The following CRPPA variants were observed in gnomAD, a reference collection of about 807,000 sequenced individuals.
The protein encoded by CRPPA is CDP-L-ribitol pyrophosphorylase A, also known as D-ribitol-5-phosphate cytidylyltransferase.
A neutral mutation model predicts 52.0 loss-of-function variants in CRPPA; 43 were observed. The ratio of observed to expected loss-of-function variants is 0.83; its 90% CI spans 0.65 to 1.07. CRPPA has a LOEUF of 1.07. Ranked by LOEUF, CRPPA falls within the 50% of genes least tolerant of loss-of-function variation. The probability of loss-of-function intolerance (pLI) is 0.00; values close to 1 mark genes in which losing one functional copy is unlikely to be tolerated. For missense variants in CRPPA, 629 were observed against 551.7 expected, an observed-to-expected ratio of 1.14 and a Z score of -1.40; for synonymous variants, 250 against 203.5, an observed-to-expected ratio of 1.23 and a Z score of -1.94.
chr7:16,117,653 A>C (rs1232872811), intron 9 of CRPPA, among the ~76,000 whole-genome samples: 1 of 152,168 alleles, frequency 6.6e-6, no homozygotes, highest in Non-Finnish European at 1.5e-5. Flanking sequence ...GCAGCTTCAC[A>C]ACTTCCTTTC....
At chr7:16,095,894 C>T (rs564705651) in intron 9 of CRPPA, among the ~76,000 whole-genome samples, 71 of 152,272 alleles carry the variant, frequency 4.7e-4, no homozygotes, top group Middle Eastern at 3.4e-3. Flanking sequence ...AGAAACTCAA[C>T]GAGGCCTAGC....
chr7:16,343,157 T>A (rs1380022482), intron 3 of CRPPA, among the ~76,000 whole-genome samples: 1 of 152,102 alleles, frequency 6.6e-6, no homozygotes, highest in East Asian at 1.9e-4. Context: ...GTTCCAAAAA[T>A]TCATTCATAA....
intron 8 of CRPPA, among the ~76,000 whole-genome samples, chr7:16,256,915 A>T (rs908748033): frequency 7.9e-5 from 12 of 152,086 alleles, no homozygotes; most frequent in Admixed American, 5.9e-4. Context: ...GTATAATTTT[A>T]AAAAAATGTT....
intron 3 of CRPPA, among the ~76,000 whole-genome samples, chr7:16,370,259 G>T (rs1285933766): frequency 6.6e-6 from 1 of 152,210 alleles, no homozygotes; most frequent in African/African-American, 2.4e-5. Flanking sequence ...CCACAGATAG[G>T]AGTGCAGGAT....
intron 3 of CRPPA, among the ~76,000 whole-genome samples, chr7:16,345,543 TA>T (rs2128306883): frequency 6.6e-6 from 1 of 152,222 alleles, no homozygotes; most frequent in African/African-American, 2.4e-5. Context: ...TATTAAAAGG[TA>T]AACAGTGTAT....
intron 3 of CRPPA, among the ~76,000 whole-genome samples, chr7:16,334,946 C>T (rs1176161416): frequency 1.3e-5 from 2 of 151,886 alleles, no homozygotes; most frequent in Non-Finnish European, 2.9e-5. Flanking sequence ...CATCAAAGTA[C>T]ACAAATAAAG....
At chr7:16,279,507 C>A (rs778415295) in intron 5 of CRPPA, among the ~76,000 whole-genome samples, 6 of 151,904 alleles carry the variant, frequency 3.9e-5, no homozygotes, top group Non-Finnish European at 8.8e-5. Context: ...GGATTCAAAT[C>A]CAAAAAAATA....
At chr7:16,212,455 A>G (rs2128396793) in intron 9 of CRPPA, among the ~76,000 whole-genome samples, 1 of 152,266 alleles carries the variant, frequency 6.6e-6, no homozygotes, top group South Asian at 2.1e-4. Context: ...TAACTCCCCC[A>G]CTGTCTTCCA....
At chr7:16,222,913 C>A (rs907830576) in intron 8 of CRPPA, among the ~76,000 whole-genome samples, 2 of 152,150 alleles carry the variant, frequency 1.3e-5, no homozygotes, top group Non-Finnish European at 2.9e-5. Context: ...GGCTGACCAT[C>A]ATCTTGAACG....
intron 6 of CRPPA, among the ~76,000 whole-genome samples, chr7:16,262,969 G>T (rs1408630023): frequency 6.6e-6 from 1 of 152,124 alleles, no homozygotes; most frequent in East Asian, 1.9e-4. Flanking sequence ...CAATGGAGAA[G>T]GAAGATTTTA....
intron 9 of CRPPA, among the ~76,000 whole-genome samples, chr7:16,120,511 T>C (rs1271934036): frequency 1.3e-5 from 2 of 152,224 alleles, no homozygotes; most frequent in Non-Finnish European, 2.9e-5. Flanking sequence ...GGTAGGCTTT[T>C]AGAATCAAAT....
chr7:16,411,461 G>A lies in CRPPA; in HGVS notation c.258-5124C>T, dbSNP rs765087994. 1.2e-4 allele frequency among the ~76,000 whole-genome samples: 18 copies of A among 151,744 alleles called. 1 individual carries two copies. The highest frequency in any genetic ancestry group is 4.2e-4 in the South Asian group (2 of 4,774). On this transcript the variant is annotated intron_variant, in intron 1 of 9. Transcript: ENST00000407010. Reference sequence around the variant, plus strand: ...TATTCCTGCTTTTATAGTCAAAAGCGCTCAAGTTTCTTATAATTTCTTGTA... The same window carrying A: ...TATTCCTGCTTTTATAGTCAAAAGCACTCAAGTTTCTTATAATTTCTTGTA...
chr7:16,210,948 A>G (rs891877366), intron 9 of CRPPA, among the ~76,000 whole-genome samples: 1 of 152,244 alleles, frequency 6.6e-6, no homozygotes, highest in African/African-American at 2.4e-5. Flanking sequence ...AATCTACTGT[A>G]CATTTCAAAA....
intron 3 of CRPPA, among the ~76,000 whole-genome samples, chr7:16,346,026 T>C (rs1786006359): frequency 6.6e-6 from 1 of 152,222 alleles, no homozygotes; most frequent in South Asian, 2.1e-4. Context: ...AATAAACTGA[T>C]ACACCAAAAT....
intron 8 of CRPPA, among the ~76,000 whole-genome samples, chr7:16,226,952 T>G (rs1224857026): frequency 2.0e-5 from 3 of 151,912 alleles, no homozygotes; most frequent in Admixed American, 6.6e-5. Context: ...GCTGCCATAG[T>G]ATCAACTCTT....
At chr7:16,162,989 T>TTTTTTTTTG in intron 9 of CRPPA, among the ~76,000 whole-genome samples, 1 of 148,916 alleles carries the variant, frequency 6.7e-6, no homozygotes. Context: ...TTTTTTTTTT[T>TTTTTTTTTG]TTGAGACGGA....
chr7:16,216,490 C>T (rs554623497), intron 8 of CRPPA: 11 of 262,544 alleles, frequency 4.2e-5, no homozygotes, highest in Admixed American at 5.1e-5. Context: ...GCGTGAGCGA[C>T]GCAGAAGACG....
At chr7:16,154,191 A>T (rs1783129854) in intron 9 of CRPPA, among the ~76,000 whole-genome samples, 1 of 151,968 alleles carries the variant, frequency 6.6e-6, no homozygotes, top group Non-Finnish European at 1.5e-5. Context: ...TTAAATATAA[A>T]TACATTTATT....
At chr7:16,383,665 G>C (rs1388337618) in intron 2 of CRPPA, among the ~76,000 whole-genome samples, 2 of 152,206 alleles carry the variant, frequency 1.3e-5, no homozygotes, top group African/African-American at 2.4e-5. Flanking sequence ...GAGCTTCCAG[G>C]CTGCTTTGTT....
Sources: gnomAD v4.1 joint callset for allele counts (sites outside exome capture counted in the v4.1 genomes callset) on GRCh38, gnomAD v4.1.1 for gene constraint, MANE v1.5 for transcripts, NCBI Gene and HGNC (gene_info 2026-07-23, HGNC 2026-07-21) for gene names.